GLG1: variants seen among roughly 807,000 people sequenced by gnomAD.
The protein encoded by GLG1 is Golgi apparatus protein 1.
GLG1 carries 38 observed loss-of-function variants against 160.5 expected under a neutral mutation model. The observed-to-expected ratio is 0.24, with a 90% CI of 0.18 to 0.31. GLG1 has a LOEUF of 0.31. Ranked by LOEUF, GLG1 falls within the 10% of genes least tolerant of loss-of-function variation. The pLI, the probability that GLG1 is intolerant of heterozygous loss-of-function variation, is 1.00. For missense variants in GLG1, 1,373 were observed against 1,505.2 expected (o/e 0.91, Z 1.45); for synonymous variants, 644 against 543.4 (o/e 1.19, Z -2.57).
intron 1 of GLG1, among the ~76,000 whole-genome samples, chr16:74,584,493 G>A (rs577583175): frequency 2.6e-5 from 4 of 152,218 alleles, no homozygotes; most frequent in African/African-American, 9.6e-5. Flanking sequence ...ATTAGTTTCA[G>A]TTTCACTTTA....
At chr16:74,492,671 T>C (rs1163134145) in intron 7 of GLG1, among the ~76,000 whole-genome samples, 1 of 149,380 alleles carries the variant, frequency 6.7e-6, no homozygotes, top group Non-Finnish European at 1.5e-5. Flanking sequence ...ATACAAGAAT[T>C]AGCCAGGCGC....
chr16:74,572,875 C>CAT (rs1383891887), intron 1 of GLG1, among the ~76,000 whole-genome samples: 1 of 152,140 alleles, frequency 6.6e-6, no homozygotes. Context: ...TTGAAACTGG[C>CAT]ATCTGAAGTG....
intron 8 of GLG1, among the ~76,000 whole-genome samples, chr16:74,489,944 C>T (rs1367081489): frequency 1.3e-5 from 2 of 152,238 alleles, no homozygotes; most frequent in East Asian, 3.9e-4. Flanking sequence ...ACACGATTAT[C>T]AGGAAAATAA....
intron 2 of GLG1, among the ~76,000 whole-genome samples, chr16:74,527,589 C>T (rs944939204): frequency 1.5e-4 from 23 of 152,038 alleles, no homozygotes; most frequent in Non-Finnish European, 2.5e-4. Context: ...AATAGTCATA[C>T]GTATCAATTA....
intron 1 of GLG1, among the ~76,000 whole-genome samples, chr16:74,540,012 T>TTA (rs1555514285): frequency 1.4e-4 from 1 of 6,936 alleles, no homozygotes; most frequent in African/African-American, 4.7e-4. Flanking sequence ...TATATATATT[T>TTA]TATATATATA....
chr16:74,582,828 T>TAAATAAAATA (rs144626583), intron 1 of GLG1, among the ~76,000 whole-genome samples: 12 of 147,518 alleles, frequency 8.1e-5, no homozygotes, highest in Non-Finnish European at 1.5e-4. Context: ...CTCAAAAAAA[T>TAAATAAAATA]AAATAAAATA....
intron 1 of GLG1, among the ~76,000 whole-genome samples, chr16:74,581,559 G>C (rs1384151390): frequency 6.7e-6 from 1 of 148,874 alleles, no homozygotes; most frequent in Non-Finnish European, 1.5e-5. Context: ...AAAAGGCCAG[G>C]AGGTGCTTCA....
chr16:74,501,904 G>A (rs2016416655), intron 4 of GLG1, among the ~76,000 whole-genome samples: 1 of 152,156 alleles, frequency 6.6e-6, no homozygotes, highest in Admixed American at 6.5e-5. Flanking sequence ...TTTATGCCAA[G>A]CCACAGAGTT....
At chr16:74,528,095 C>T (rs145640263) in intron 2 of GLG1, among the ~76,000 whole-genome samples, 19,204 of 151,766 alleles carry the variant, frequency 0.13, 1,668 homozygotes, top group Admixed American at 0.24. Flanking sequence ...CCGTGTTAGC[C>T]AGGATGGTCT....
intron 5 of GLG1, among the ~76,000 whole-genome samples, chr16:74,495,630 T>C (rs1031560749): frequency 2.6e-5 from 4 of 152,230 alleles, no homozygotes; most frequent in Non-Finnish European, 4.4e-5. Context: ...GATTTGGTTT[T>C]AAAGATTAGC....
At chr16:74,600,784 C>T (rs1031837519) in intron 1 of GLG1, among the ~76,000 whole-genome samples, 1 of 149,824 alleles carries the variant, frequency 6.7e-6, no homozygotes, top group Non-Finnish European at 1.5e-5. Context: ...AAATTTCAAG[C>T]TAAGAATAGC....
Position 74,452,868 on chromosome 16 carries a change from C to G in GLG1, c.*299G>C, listed in dbSNP as rs2014378656. 4.6e-6 allele frequency: 5 copies of G among 1,092,958 alleles called. No individual in the cohort carries two copies. Among genetic ancestry groups the G allele is most frequent in the Non-Finnish European group, 5.6e-6 (5 of 900,618 alleles). The allele number at this position is 1,092,958 out of a possible 1,614,324, so 67.7% of individuals were successfully genotyped here. A position where few individuals can be genotyped will look rare whatever the true frequency, so the allele number is the denominator to read the frequency against. ...GAGTTGCAGGTCAGGTGAGTTGGTTCTGGAAGTACCGGAAGTTCTGTTGGT... is the reference window on the plus strand; with the variant it reads ...GAGTTGCAGGTCAGGTGAGTTGGTTGTGGAAGTACCGGAAGTTCTGTTGGT... On this transcript the variant is annotated 3_prime_UTR_variant, in exon 26 of 26. Transcript: ENST00000422840.
Position 74,452,247 on chromosome 16 carries a change from G to T in GLG1, c.*920C>A. The T allele has an allele frequency of 6.6e-7, 1 of 1,511,286 alleles. No homozygotes were observed. Among genetic ancestry groups the T allele is most frequent in the South Asian group, 1.3e-5 (1 of 79,170 alleles). 93.6% of individuals were successfully genotyped at this position (1,511,286 alleles called of 1,614,324 possible). A position where few individuals can be genotyped will look rare whatever the true frequency, so the allele number is the denominator to read the frequency against. On this transcript the variant is annotated 3_prime_UTR_variant, in exon 26 of 26. Transcript: ENST00000422840. Reference sequence around the variant, plus strand: ...CAGTCCTGCCTCCTGATGAAGCGCAGAGCTTCCAGAGTGACTGTAGCCTCA... The same window carrying T: ...CAGTCCTGCCTCCTGATGAAGCGCATAGCTTCCAGAGTGACTGTAGCCTCA...
intron 17 of GLG1, chr16:74,468,086 C>G (rs1478597802): frequency 6.8e-6 from 3 of 439,344 alleles, no homozygotes; most frequent in Admixed American, 8.4e-5. Flanking sequence ...CTTATTTAGT[C>G]CTTCACAGGA....
chr16:74,538,904 C>T lies in GLG1; in HGVS notation c.439-6751G>A, dbSNP rs1007638732. Among the ~76,000 whole-genome samples the T allele has an allele frequency of 2.6e-5, 4 of 151,158 alleles. No individual in the cohort carries two copies. The East Asian group carries it at 5.9e-4, about 22-fold the overall frequency. Reference sequence around the variant, plus strand: ...TATGAGATGAGTATGGCAATAAAGTCAGTCAGAGAAAGTTTCATGGAGGGT... The same window carrying T: ...TATGAGATGAGTATGGCAATAAAGTTAGTCAGAGAAAGTTTCATGGAGGGT... On this transcript the variant is annotated intron_variant, in intron 1 of 25. Coordinates refer to ENST00000422840, the MANE Select transcript of GLG1 (RefSeq NM_001145667.2).
In GLG1 at chr16:74,542,758, G is replaced by GAAGGA. The variant is rs1567514065; in HGVS notation, c.439-10610_439-10606dup. 3.0e-4 allele frequency among the ~76,000 whole-genome samples: 16 copies of GAAGGA among 53,058 alleles called. 1 individual carries two copies. The highest frequency in any genetic ancestry group is 9.3e-4 in the East Asian group (2 of 2,162). The allele number at this position is 53,058 out of a possible 152,430, so 34.8% of individuals were successfully genotyped here. On this transcript the variant is annotated intron_variant, in intron 1 of 25. Coordinates refer to ENST00000422840, the MANE Select transcript of GLG1 (RefSeq NM_001145667.2). ...GGGAGGAAGGAAGGAAGGAAGGAAG[G>GAAGGA]AAGGAAGGAAGGAAGGAAGGAAGGA...
chr16:74,586,607 T>G (rs370190484), intron 1 of GLG1, among the ~76,000 whole-genome samples: 122 of 152,274 alleles, frequency 8.0e-4, no homozygotes, highest in African/African-American at 2.6e-3. Context: ...CCAGAGCAGC[T>G]GGGACTACAG....
intron 22 of GLG1, among the ~76,000 whole-genome samples, 195 bp from the exon 23 acceptor site, chr16:74,459,984 T>C (rs746201108): frequency 2.6e-5 from 4 of 151,624 alleles, no homozygotes; most frequent in African/African-American, 9.7e-5. Context: ...GCCTCTTGAG[T>C]AGCTGGGACT....
At position 74,453,063 on chromosome 16, in the gene GLG1, G is replaced by A. The variant is rs2014388889; in HGVS notation, c.*104C>T. On this transcript the variant is annotated 3_prime_UTR_variant, in exon 26 of 26. Transcript: ENST00000422840. The stretch of plus-strand genomic sequence containing the variant: ...ACATCTGCTAATGCTCTAACACGGG[G>A]TTGGTGTCACTTCTGAGAAGAGCGA... 1 of 1,525,128 alleles carries A rather than the reference G, an allele frequency of 6.6e-7. No individual in the cohort carries two copies. Among genetic ancestry groups the A allele is most frequent in the African/African-American group, 1.4e-5 (1 of 72,468 alleles). 94.5% of individuals were successfully genotyped at this position (1,525,128 alleles called of 1,614,324 possible).
Sources: allele counts gnomAD v4.1 joint callset (sites outside exome capture counted in the v4.1 genomes callset), GRCh38; gene constraint gnomAD v4.1.1; transcripts MANE v1.5; gene names NCBI Gene and HGNC (gene_info 2026-07-23, HGNC 2026-07-21).